NDUFAF6: variants seen among roughly 807,000 people sequenced by gnomAD.
NDUFAF6 encodes the protein NADH dehydrogenase (ubiquinone) complex I, assembly factor 6.
A neutral mutation model predicts 40.8 loss-of-function variants in NDUFAF6; 45 were observed. That is an observed-to-expected ratio of 1.10 (90% CI 0.87 to 1.42). NDUFAF6 has a LOEUF of 1.42. NDUFAF6 is among the 40% of genes most tolerant of loss of function. The probability of loss-of-function intolerance (pLI) is 0.00; values close to 1 mark genes in which losing one functional copy is unlikely to be tolerated. For synonymous variants in NDUFAF6, 185 were observed against 155.9 expected, an observed-to-expected ratio of 1.19 and a Z score of -1.39; for missense variants, 435 against 418.5, an observed-to-expected ratio of 1.04 and a Z score of -0.34.
chr8:95,113,805 G>A (rs1368345937), intron 4 of NDUFAF6, among the ~76,000 whole-genome samples: 1 of 152,068 alleles, frequency 6.6e-6, no homozygotes, highest in Non-Finnish European at 1.5e-5. Context: ...GAGGTGGCAC[G>A]ACTGCACTCC....
chr8:95,017,057 C>G (rs565504888), intron 2 of NDUFAF6, among the ~76,000 whole-genome samples: 1 of 151,216 alleles, frequency 6.6e-6, no homozygotes, highest in East Asian at 1.9e-4. Flanking sequence ...CTCAGCCTCC[C>G]GAGTAGGTAG....
intron 3 of NDUFAF6, among the ~76,000 whole-genome samples, chr8:95,038,912 G>T (rs900856834): frequency 2.0e-5 from 3 of 149,948 alleles, no homozygotes; most frequent in Non-Finnish European, 3.0e-5. Context: ...CTCGTGATCT[G>T]CCTGCCTCGG....
chr8:95,087,981 T>G lies in NDUFAF6; in HGVS notation n.213+12229T>G, dbSNP rs926450814. On this transcript the variant is annotated intron_variant and non_coding_transcript_variant, in intron 2 of 5. Transcript: ENST00000523184. Reference sequence around the variant, plus strand: ...CTACGCACCCCATCAGGCTGTTTCCTGGTAGCAGAGGAGAGGCAGCTCATA... The same window carrying G: ...CTACGCACCCCATCAGGCTGTTTCCGGGTAGCAGAGGAGAGGCAGCTCATA... 3 of 152,314 alleles carry G rather than the reference T, an allele frequency of 2.0e-5. No homozygotes were observed. The East Asian group carries it at 5.8e-4, about 29-fold the overall frequency. 9.4% of individuals were successfully genotyped at this position (152,314 alleles called of 1,614,324 possible).
chr8:94,900,517 G>T (rs1313656142), intron 1 of NDUFAF6, among the ~76,000 whole-genome samples: 21 of 152,174 alleles, frequency 1.4e-4, no homozygotes, highest in Admixed American at 1.4e-3. Flanking sequence ...CGTAGACAGC[G>T]CACCTCAGAG....
rs569646682 is a variant in NDUFAF6 at position 94,925,334 on chromosome 8, G to C, written c.-935-20149G>C. Reference sequence around the variant, plus strand: ...AGGGGTATCAATGGCATCAGGGAAGGCCATATTGTCCTAAAACACTTCTAT... The same window carrying C: ...AGGGGTATCAATGGCATCAGGGAAGCCCATATTGTCCTAAAACACTTCTAT... On this transcript the variant is annotated intron_variant, in intron 1 of 14. Coordinates refer to the NDUFAF6 transcript ENST00000396113. Among the ~76,000 whole-genome samples, 61 of 152,250 alleles carry C rather than the reference G, an allele frequency of 4.0e-4. 1 individual carries two copies. The highest frequency in any genetic ancestry group is 1.4e-3 in the African/African-American group (59 of 41,558).
intron 2 of NDUFAF6, among the ~76,000 whole-genome samples, chr8:94,983,308 A>G (rs1335555727): frequency 8.1e-6 from 1 of 123,350 alleles, no homozygotes; most frequent in Non-Finnish European, 1.6e-5. Context: ...TTTGTTGCCC[A>G]GACTGGAGTG....
chr8:94,987,977 A>G (rs1201118973), intron 2 of NDUFAF6, among the ~76,000 whole-genome samples: 2 of 152,144 alleles, frequency 1.3e-5, no homozygotes, highest in Non-Finnish European at 2.9e-5. Flanking sequence ...TAAAGCTGTT[A>G]AATAGAGGAG....
chr8:94,937,549 G>A (rs911784436), intron 1 of NDUFAF6, among the ~76,000 whole-genome samples: 1 of 152,152 alleles, frequency 6.6e-6, no homozygotes, highest in Non-Finnish European at 1.5e-5. Flanking sequence ...AAGGGATGGG[G>A]AGGAGGATGC....
chr8:94,973,255 T>C (rs1824620347), intron 1 of NDUFAF6, among the ~76,000 whole-genome samples: 1 of 152,058 alleles, frequency 6.6e-6, no homozygotes, highest in African/African-American at 2.4e-5. Flanking sequence ...ATTTTTTCCT[T>C]ATCTGTAAAA....
chr8:94,988,744 G>A (rs1012345770), intron 2 of NDUFAF6: 14 of 152,192 alleles, frequency 9.2e-5, no homozygotes, highest in African/African-American at 3.4e-4. Flanking sequence ...CCCAACCCAG[G>A]CACTTATTTA....
At chr8:95,046,865 T>A in intron 5 of NDUFAF6, 129 bp from the exon 6 acceptor site, 1 of 1,266,580 alleles carries the variant, frequency 7.9e-7, no homozygotes, top group Non-Finnish European at 1.1e-6. Context: ...CACTCATAAA[T>A]CCTGTTTTTC....
At chr8:94,900,000 C>T (rs1817913409) in intron 1 of NDUFAF6, among the ~76,000 whole-genome samples, 4 of 152,200 alleles carry the variant, frequency 2.6e-5, no homozygotes, top group African/African-American at 9.7e-5. Flanking sequence ...CTCCCCACCT[C>T]CATTGCCTTT....
chr8:94,941,269 C>G (rs536761674), intron 1 of NDUFAF6, among the ~76,000 whole-genome samples: 1 of 152,244 alleles, frequency 6.6e-6, no homozygotes, highest in African/African-American at 2.4e-5. Context: ...TGTAAATACT[C>G]TTACTCAAAT....
intron 2 of NDUFAF6, among the ~76,000 whole-genome samples, chr8:95,091,701 G>A (rs1338329772): frequency 1.3e-5 from 2 of 150,494 alleles, no homozygotes; most frequent in Admixed American, 6.6e-5. Context: ...GTGCAGTGGC[G>A]CCATCCTGGC....
intron 2 of NDUFAF6, among the ~76,000 whole-genome samples, chr8:95,035,208 G>T (rs537783390): frequency 6.6e-6 from 1 of 151,850 alleles, no homozygotes; most frequent in South Asian, 2.1e-4. Flanking sequence ...AGTGAGTGAG[G>T]GAGACAATCT....
At chr8:94,961,038 T>C (rs1485745322) in intron 1 of NDUFAF6, among the ~76,000 whole-genome samples, 1 of 152,236 alleles carries the variant, frequency 6.6e-6, no homozygotes, top group Non-Finnish European at 1.5e-5. Flanking sequence ...ATTAATTATA[T>C]GCAATAATCT....
intron 1 of NDUFAF6, among the ~76,000 whole-genome samples, chr8:94,923,954 C>T (rs746925527): frequency 6.6e-6 from 1 of 151,974 alleles, no homozygotes; most frequent in African/African-American, 2.4e-5. Flanking sequence ...TCCTAAAGTG[C>T]TGGGATTACA....
chr8:94,968,454 G>A (rs1034731097), intron 1 of NDUFAF6, among the ~76,000 whole-genome samples: 13 of 152,190 alleles, frequency 8.5e-5, no homozygotes, highest in Admixed American at 5.2e-4. Context: ...CCTGGCACAC[G>A]GGGCAGCAAG....
intron 2 of NDUFAF6, among the ~76,000 whole-genome samples, chr8:94,947,382 G>A (rs940669055): frequency 2.0e-5 from 3 of 151,350 alleles, no homozygotes; most frequent in Non-Finnish European, 4.4e-5. Flanking sequence ...GTGGCTAAAC[G>A]TACCGTCATT....
Sources: allele counts gnomAD v4.1 joint callset (sites outside exome capture counted in the v4.1 genomes callset), GRCh38; gene constraint gnomAD v4.1.1; transcripts MANE v1.5; gene names NCBI Gene and HGNC (gene_info 2026-07-23, HGNC 2026-07-21).